Variants in NIPA2 observed in about 807,000 individuals in gnomAD.
NIPA2 encodes the protein magnesium transporter NIPA2.
A neutral mutation model predicts 29.7 loss-of-function variants in NIPA2; 11 were observed. That is an observed-to-expected ratio of 0.37 (90% CI 0.23 to 0.61). The LOEUF (loss-of-function observed/expected upper bound fraction) is 0.61. Among genes scored for constraint, NIPA2 ranks in the 20% least tolerant of loss-of-function variants. The probability of loss-of-function intolerance (pLI) is 0.66; values close to 1 mark genes in which losing one functional copy is unlikely to be tolerated. For synonymous variants in NIPA2, 183 were observed against 161.9 expected (o/e 1.13, Z -0.99); for missense variants, 426 against 437.9 (o/e 0.97, Z 0.24).
chr15:22,840,031 C>G (rs1394356514), intron 2 of NIPA2, among the ~76,000 whole-genome samples: 1 of 152,140 alleles, frequency 6.6e-6, no homozygotes, highest in Non-Finnish European at 1.5e-5. Context: ...AGTGCTCCTC[C>G]CACCTCAGCC....
Position 22,866,195 on chromosome 15 carries a change from T to C in NIPA2, c.449-18T>C. ...AACCAACCATTTGACTCATGTAACTTTTCTTTGCCTCCTCCAGGTTTTGTG... is the reference window on the plus strand; with the variant it reads ...AACCAACCATTTGACTCATGTAACTCTTCTTTGCCTCCTCCAGGTTTTGTG... On this transcript the variant is annotated intron_variant, in intron 7 of 7. Coordinates refer to ENST00000337451, the MANE Select transcript of NIPA2 (RefSeq NM_030922.7). The C allele has an allele frequency of 6.2e-7, 1 of 1,601,576 alleles. No individual in the cohort carries two copies. The highest frequency in any genetic ancestry group is 8.5e-7 in the Non-Finnish European group (1 of 1,171,460).
intron 5 of NIPA2, among the ~76,000 whole-genome samples, chr15:22,858,307 T>C (rs1157001903): frequency 1.3e-5 from 2 of 152,148 alleles, no homozygotes; most frequent in Non-Finnish European, 2.9e-5. Flanking sequence ...GGCAGGAGAA[T>C]GGCGTGAACC....
intron 5 of NIPA2, among the ~76,000 whole-genome samples, chr15:22,857,858 A>G (rs2058314708): frequency 6.8e-6 from 1 of 146,132 alleles, no homozygotes; most frequent in Non-Finnish European, 1.5e-5. Context: ...AAAAAAAAAA[A>G]GGACCAAATG....
chr15:22,853,020 G>A (rs996712795), intron 4 of NIPA2, among the ~76,000 whole-genome samples, 192 bp from the exon 5 acceptor site: 2 of 152,068 alleles, frequency 1.3e-5, no homozygotes, highest in Non-Finnish European at 2.9e-5. Context: ...TTCATGACGG[G>A]TATGCTTGTA....
intron 4 of NIPA2, among the ~76,000 whole-genome samples, chr15:22,852,237 C>T (rs2057802488): frequency 6.6e-6 from 1 of 152,010 alleles, no homozygotes; most frequent in Admixed American, 6.6e-5. Flanking sequence ...GAGGCTGAGG[C>T]GGGTGGATCA....
At chr15:22,859,847 T>C (rs1431936328) in intron 6 of NIPA2, among the ~76,000 whole-genome samples, 1 of 152,174 alleles carries the variant, frequency 6.6e-6, no homozygotes, top group African/African-American at 2.4e-5. Context: ...TTTGTTACTG[T>C]ATTTATTGGT....
chr15:22,845,468 A>AC (rs1898348373), intron 3 of NIPA2, among the ~76,000 whole-genome samples: 1 of 152,218 alleles, frequency 6.6e-6, no homozygotes, highest in Non-Finnish European at 1.5e-5. Context: ...CAAATTTGCT[A>AC]CCGTAAATGA....
chr15:22,857,857 AAG>A (rs2058314865), intron 5 of NIPA2, among the ~76,000 whole-genome samples: 1 of 150,152 alleles, frequency 6.7e-6, no homozygotes, highest in African/African-American at 2.4e-5. Flanking sequence ...AAAAAAAAAA[AAG>A]GACCAAATGA....
chr15:22,843,017 G>A (rs1595248747), intron 2 of NIPA2, among the ~76,000 whole-genome samples: 1 of 149,012 alleles, frequency 6.7e-6, no homozygotes, highest in East Asian at 2.0e-4. Flanking sequence ...AAAAAAAAAA[G>A]AGAGATCTAA....
At chr15:22,862,467 A>T (rs2058691968) in intron 7 of NIPA2, among the ~76,000 whole-genome samples, 1 of 151,994 alleles carries the variant, frequency 6.6e-6, no homozygotes, top group Non-Finnish European at 1.5e-5. Flanking sequence ...CTAGATCATT[A>T]ATTTTCTTAT....
chr15:22,852,397 C>T (rs976501294), intron 4 of NIPA2, among the ~76,000 whole-genome samples: 4 of 150,296 alleles, frequency 2.7e-5, no homozygotes, highest in African/African-American at 9.9e-5. Context: ...ACCCGGGAGG[C>T]AGAAACCTCT....
At position 22,858,272 on chromosome 15, in the gene NIPA2, C is replaced by T. The variant is rs4778392; in HGVS notation, c.197-268C>T. Among the ~76,000 whole-genome samples the T allele has an allele frequency of 0.87, 132,908 of 152,102 alleles. 58,396 individuals carry two copies. Among genetic ancestry groups the T allele is most frequent in the African/African-American group, 0.96 (40,005 of 41,500 alleles). ...AGCTGGGCATAGTGGCGAGTGCCTG[C>T]GGTCCCAGCTACTTGGGAGGCTGAG... On this transcript the variant is annotated intron_variant, in intron 5 of 7. Coordinates refer to ENST00000337451, the MANE Select transcript of NIPA2 (RefSeq NM_030922.7).
At chr15:22,851,982 T>C in intron 4 of NIPA2, 112 bp downstream of exon 4, 1 of 920,134 alleles carries the variant, frequency 1.1e-6, no homozygotes, top group Non-Finnish European at 1.7e-6. Flanking sequence ...AAACTTTGAA[T>C]TGTTCAAGAG....
chr15:22,852,749 G>C (rs996635605), intron 4 of NIPA2, among the ~76,000 whole-genome samples: 10 of 152,132 alleles, frequency 6.6e-5, no homozygotes, highest in African/African-American at 2.4e-4. Context: ...GGTGTTAAGT[G>C]GCGTTATGGT....
rs574492427 is a variant in NIPA2 at position 22,854,836 on chromosome 15, T to C, written c.196+1568T>C. Among the ~76,000 whole-genome samples, 28 of 152,256 alleles carry C rather than the reference T, an allele frequency of 1.8e-4. No individual in the cohort carries two copies. In the South Asian group the frequency reaches 5.2e-3, roughly 28 times the overall value. On this transcript the variant is annotated intron_variant, in intron 5 of 7. Transcript: ENST00000337451. ...TGTTATTCACCAGGTATTCAAGTCT[T>C]TCTATTTGTCGTACCCTCATAGTGC...
intron 5 of NIPA2, among the ~76,000 whole-genome samples, chr15:22,857,169 G>A (rs1016449737): frequency 2.0e-4 from 31 of 152,302 alleles, no homozygotes; most frequent in East Asian, 1.7e-3. Context: ...GGTGGCTCAC[G>A]CCTGTAATCC....
chr15:22,860,644 A>G lies in NIPA2; in HGVS notation c.303A>G (p.Ser101=). The G allele has an allele frequency of 1.3e-6, 2 of 1,572,392 alleles. No individual in the cohort carries two copies. The highest frequency in any genetic ancestry group is 1.7e-6 in the Non-Finnish European group (2 of 1,166,266). Residue 101 remains serine (S), a synonymous_variant, in exon 7 of 8, where the codon TCA becomes TCG. Coordinates refer to ENST00000337451, the MANE Select transcript of NIPA2 (RefSeq NM_030922.7). ...CCCATTTTAGTGCCATTCTTTCTTCATACTTTCTCAATGAAAGACTTAATC... is the reference window on the plus strand; with the variant it reads ...CCCATTTTAGTGCCATTCTTTCTTCGTACTTTCTCAATGAAAGACTTAATC... ...LSVLVSAILS[S]YFLNERLNLH...
At chr15:22,850,943 A>AT (rs2057688221) in intron 3 of NIPA2, among the ~76,000 whole-genome samples, 1 of 152,194 alleles carries the variant, frequency 6.6e-6, no homozygotes, top group African/African-American at 2.4e-5. Context: ...GCTTTAGTTC[A>AT]TCTGTCAACT....
At chr15:22,863,025 C>G (rs536165595) in intron 7 of NIPA2, among the ~76,000 whole-genome samples, 1 of 151,164 alleles carries the variant, frequency 6.6e-6, no homozygotes, top group South Asian at 2.1e-4. Context: ...CCTCAGCCTC[C>G]TGTGTAGCTG....
Sources: allele counts gnomAD v4.1 joint callset (sites outside exome capture counted in the v4.1 genomes callset), GRCh38; gene constraint gnomAD v4.1.1; transcripts MANE v1.5; gene names NCBI Gene and HGNC (gene_info 2026-07-23, HGNC 2026-07-21).